NDFIP2: variants seen among roughly 807,000 people sequenced by gnomAD.
NDFIP2 encodes NEDD4 family-interacting protein 2.
Under a neutral mutation model 36.0 loss-of-function variants are expected in NDFIP2, and 19 were observed. The ratio of observed to expected loss-of-function variants is 0.53; its 90% CI spans 0.37 to 0.77. The LOEUF (loss-of-function observed/expected upper bound fraction) is 0.77, where lower values mean the gene tolerates loss of function less well. Among genes scored for constraint, NDFIP2 ranks in the 30% least tolerant of loss-of-function variants. The pLI is 0.00. For synonymous variants in NDFIP2, 181 were observed against 167.7 expected (o/e 1.08, Z -0.61); for missense variants, 446 against 435.8 (o/e 1.02, Z -0.21).
intron 1 of NDFIP2, among the ~76,000 whole-genome samples, chr13:79,507,551 G>T (rs1170353244): frequency 5.1e-5 from 1 of 19,770 alleles, no homozygotes; most frequent in Non-Finnish European, 7.5e-5. Context: ...TGGGATTACA[G>T]GCGTGAGCCA....
At chr13:79,494,430 T>C (rs1174207365) in intron 1 of NDFIP2, among the ~76,000 whole-genome samples, 1 of 152,102 alleles carries the variant, frequency 6.6e-6, no homozygotes, top group African/African-American at 2.4e-5. Flanking sequence ...TGGAGTTGCT[T>C]AATTTTTATT....
intron 3 of NDFIP2, among the ~76,000 whole-genome samples, chr13:79,538,501 C>T (rs551306472): frequency 4.6e-5 from 7 of 152,204 alleles, no homozygotes; most frequent in African/African-American, 1.7e-4. Flanking sequence ...ATGCTGGTTC[C>T]AAAAGGGAGA....
intron 3 of NDFIP2, among the ~76,000 whole-genome samples, chr13:79,534,691 CA>C (rs1256634534): frequency 6.6e-6 from 1 of 151,816 alleles, no homozygotes; most frequent in Non-Finnish European, 1.5e-5. Flanking sequence ...GGGAAAAAGA[CA>C]AAAAAATCAA....
chr13:79,529,039 CAGTT>C (rs1210807722), intron 2 of NDFIP2, among the ~76,000 whole-genome samples: 14 of 152,160 alleles, frequency 9.2e-5, no homozygotes, highest in Admixed American at 9.2e-4. Context: ...TAATGCTTCA[CAGTT>C]TACAGAGTCC....
rs551966464 is a variant in NDFIP2, at chr13:79,494,688, A to G, written c.321+13164A>G. ...TTATATTTCCTGTTTGTCGCACTCT[A>G]AGTCTTTTGTTGTTTTGTTTACTCT... On this transcript the variant is annotated intron_variant, in intron 1 of 7. Transcript: ENST00000218652. Among the ~76,000 whole-genome samples the G allele has an allele frequency of 3.3e-5, 5 of 151,984 alleles. No homozygotes were observed. The South Asian group carries it at 1.0e-3, about 32-fold the overall frequency.
At chr13:79,498,660 G>A (rs186435195) in intron 1 of NDFIP2, among the ~76,000 whole-genome samples, 4 of 152,002 alleles carry the variant, frequency 2.6e-5, no homozygotes, top group Admixed American at 1.3e-4. Context: ...GAAGAAGGGA[G>A]CTGAACTCAC....
At chr13:79,543,845 C>T (rs778841943) in intron 5 of NDFIP2, among the ~76,000 whole-genome samples, 163 bp downstream of exon 5, 2 of 152,130 alleles carry the variant, frequency 1.3e-5, no homozygotes, top group Admixed American at 6.5e-5. Context: ...GTGGTATGAA[C>T]ACTTTATAAC....
intron 1 of NDFIP2, 84 bp from the exon 2 acceptor site, chr13:79,520,726 T>C: frequency 1.6e-6 from 2 of 1,285,370 alleles, no homozygotes; most frequent in Non-Finnish European, 2.1e-6. Flanking sequence ...AAAGCGATAC[T>C]GTGTCTGAAA....
At chr13:79,498,669 A>G (rs754256921) in intron 1 of NDFIP2, among the ~76,000 whole-genome samples, 4 of 151,950 alleles carry the variant, frequency 2.6e-5, no homozygotes, top group Non-Finnish European at 4.4e-5. Flanking sequence ...AGCTGAACTC[A>G]CCTTTTATCA....
chr13:79,518,359 A>G (rs1299475368), intron 1 of NDFIP2, among the ~76,000 whole-genome samples: 1 of 152,200 alleles, frequency 6.6e-6, no homozygotes, highest in Non-Finnish European at 1.5e-5. Flanking sequence ...TGGTCTTAGT[A>G]ACTTCATAAA....
At chr13:79,503,057 A>T (rs548868104) in intron 1 of NDFIP2, among the ~76,000 whole-genome samples, 1 of 152,266 alleles carries the variant, frequency 6.6e-6, no homozygotes, top group Non-Finnish European at 1.5e-5. Flanking sequence ...TGAAGAACAT[A>T]AGTTAGGATG....
In NDFIP2 at chr13:79,554,464, T is replaced by A. The variant is rs1284623020; in HGVS notation, c.*1951T>A. 1 of 151,826 alleles carries A rather than the reference T, an allele frequency of 6.6e-6. No individual in the cohort carries two copies. Among genetic ancestry groups the A allele is most frequent in the Non-Finnish European group, 1.5e-5 (1 of 67,746 alleles). 9.4% of individuals were successfully genotyped at this position (151,826 alleles called of 1,614,324 possible). On this transcript the variant is annotated 3_prime_UTR_variant, in exon 8 of 8. Transcript: ENST00000218652. ...TTCATTTTAGCTTTTATGGTATATG[T>A]GCTTGTTTTCTGAATATGGATACAT...
intron 2 of NDFIP2, among the ~76,000 whole-genome samples, chr13:79,523,132 C>T (rs73553403): frequency 0.11 from 16,916 of 152,094 alleles, 2,403 homozygotes; most frequent in African/African-American, 0.33. Flanking sequence ...AGATGTGTTC[C>T]CAGAACACCA....
At chr13:79,517,207 C>T (rs1218848745) in intron 1 of NDFIP2, among the ~76,000 whole-genome samples, 1 of 152,040 alleles carries the variant, frequency 6.6e-6, no homozygotes, top group African/African-American at 2.4e-5. Context: ...ATATTGCCCA[C>T]AGTTTTTCAG....
At chr13:79,494,260 CAG>C (rs142231735) in intron 1 of NDFIP2, among the ~76,000 whole-genome samples, 1,720 of 152,074 alleles carry the variant, frequency 0.011, 34 homozygotes, top group African/African-American at 0.04. Context: ...AAAGTAAAGA[CAG>C]TACAGAATTC....
At chr13:79,543,706 C>G in intron 5 of NDFIP2, 24 bp downstream of exon 5, 1 of 1,604,362 alleles carries the variant, frequency 6.2e-7, no homozygotes, top group Non-Finnish European at 8.5e-7. Flanking sequence ...TAGCCTGTAT[C>G]TCTTTTATCT....
At chr13:79,490,678 C>G (rs1873192308) in intron 1 of NDFIP2, among the ~76,000 whole-genome samples, 1 of 152,110 alleles carries the variant, frequency 6.6e-6, no homozygotes, top group East Asian at 1.9e-4. Context: ...TTTGCCCACC[C>G]CAATGTAGAT....
intron 1 of NDFIP2, among the ~76,000 whole-genome samples, chr13:79,491,514 C>T (rs74098263): frequency 0.011 from 1,736 of 152,208 alleles, 35 homozygotes; most frequent in African/African-American, 0.04. Flanking sequence ...TCATAAACTG[C>T]GGAGTTGTGA....
rs1479623441 is a variant in NDFIP2 at position 79,481,432 on chromosome 13, G to A, written c.229G>A (p.Ala77Thr). 3 of 1,560,500 alleles carry A rather than the reference G, an allele frequency of 1.9e-6. No individual in the cohort carries two copies. Among genetic ancestry groups the A allele is most frequent in the Non-Finnish European group, 2.6e-6 (3 of 1,152,120 alleles). Reference sequence around the variant, plus strand: ...GTCGTCGACGGGGGTGGCCGTGGGAGCTGAGCACGGAGAAGACTCCCTCTC... The same window carrying A: ...GTCGTCGACGGGGGTGGCCGTGGGAACTGAGCACGGAGAAGACTCCCTCTC... ...TTSSTGVAVG[A>T]EHGEDSLSRK... Residue 77 changes from alanine (A) to threonine (T), a missense_variant, in exon 1 of 8, where the codon GCT (alanine) becomes ACT (threonine). Physicochemically the swap from Ala to Thr is moderately conservative, Grantham distance 58. Around this residue, in one of 2 missense-constraint regions of NDFIP2, gnomAD observed 369 missense variants for 304.8 expected, o/e 1.21. Coordinates refer to ENST00000218652, the MANE Select transcript of NDFIP2 (RefSeq NM_019080.3).
Sources: gnomAD v4.1 joint callset for allele counts (sites outside exome capture counted in the v4.1 genomes callset) on GRCh38, gnomAD v4.1.1 for gene constraint, gnomAD v4.1.1 regional missense constraint, MANE v1.5 for transcripts, NCBI Gene and HGNC (gene_info 2026-07-23, HGNC 2026-07-21) for gene names.